The following PTPRN2 variants were observed in gnomAD, a reference collection of about 807,000 sequenced individuals.
PTPRN2 encodes the protein protein tyrosine phosphatase receptor type N2, also known as receptor-type tyrosine-protein phosphatase N2.
A neutral mutation model predicts 118.8 loss-of-function variants in PTPRN2; 74 were observed. That is an observed-to-expected ratio of 0.62 (90% CI 0.52 to 0.76). PTPRN2 has a LOEUF of 0.76. PTPRN2 is among the 30% of genes least tolerant of loss of function. PTPRN2 has a pLI of 0.00. For synonymous variants in PTPRN2, 641 were observed against 608.0 expected (o/e 1.05, Z -0.80); for missense variants, 1,481 against 1,394.4 (o/e 1.06, Z -0.99).
At chr7:158,331,685 G>T (rs1209179715) in intron 2 of PTPRN2, among the ~76,000 whole-genome samples, 76 of 126,758 alleles carry the variant, frequency 6.0e-4, no homozygotes, top group African/African-American at 2.4e-3. Flanking sequence ...ACCATAAGAG[G>T]TGACACTTGC....
chr7:158,424,521 T>C (rs1815534240), intron 2 of PTPRN2, among the ~76,000 whole-genome samples: 1 of 152,218 alleles, frequency 6.6e-6, no homozygotes, highest in African/African-American at 2.4e-5. Flanking sequence ...GATTCCTCTA[T>C]TAACCTGTCT....
intron 3 of PTPRN2, among the ~76,000 whole-genome samples, chr7:158,262,746 CAT>C (rs532194493): frequency 3.5e-4 from 53 of 150,268 alleles, no homozygotes; most frequent in African/African-American, 8.3e-4. Context: ...ACACACTGCA[CAT>C]ATACACACAC....
At chr7:158,068,396 G>A (rs1392518755) in intron 11 of PTPRN2, among the ~76,000 whole-genome samples, 3 of 152,196 alleles carry the variant, frequency 2.0e-5, no homozygotes, top group Admixed American at 2.0e-4. Flanking sequence ...CCAGTGCAGT[G>A]GCTGGACTGC....
chr7:157,691,474 A>G (rs1057291233), intron 12 of PTPRN2, among the ~76,000 whole-genome samples: 2 of 148,928 alleles, frequency 1.3e-5, no homozygotes, highest in East Asian at 4.7e-4. Context: ...ATTCAGGGCG[A>G]GTAGACGAGA....
At chr7:157,795,611 G>A (rs937728365) in intron 12 of PTPRN2, among the ~76,000 whole-genome samples, 3 of 152,242 alleles carry the variant, frequency 2.0e-5, no homozygotes, top group African/African-American at 4.8e-5. Context: ...TTGACCTCAT[G>A]TTTATTCAGG....
rs975865780 is a variant in PTPRN2, at chr7:157,596,023, C to T, written c.2419-708G>A. Among the ~76,000 whole-genome samples, 3 of 152,214 alleles carry T rather than the reference C, an allele frequency of 2.0e-5. No homozygotes were observed. Among genetic ancestry groups the T allele is most frequent in the African/African-American group, 7.2e-5 (3 of 41,450 alleles). ...ACCCCAGAGCTTCCTGGCCACGGAG[C>T]CCACCCAGGCTGCCCTGTGTTCAGG... On this transcript the variant is annotated intron_variant, in intron 16 of 22. Coordinates refer to ENST00000389418, the MANE Select transcript of PTPRN2 (RefSeq NM_002847.5). This position sits in a 1 kb window ranked among gnomAD's most constrained non-coding sequence, Gnocchi z 4.2.
Position 157,587,543 on chromosome 7 carries a change from C to A in PTPRN2, c.2496+7695G>T, listed in dbSNP as rs1215402417. 6.6e-6 allele frequency among the ~76,000 whole-genome samples: 1 copy of A among 152,154 alleles called. No individual in the cohort carries two copies. The highest frequency in any genetic ancestry group is 1.5e-5 in the Non-Finnish European group (1 of 68,022). On this transcript the variant is annotated intron_variant, in intron 17 of 22. Coordinates refer to ENST00000389418, the MANE Select transcript of PTPRN2 (RefSeq NM_002847.5). The surrounding 1 kb of genome is among the most constrained non-coding windows in gnomAD (Gnocchi z 5.3). ...TCAATTTGGAAATGAGAAAACATATCCCCCCAGCTGAGGCTTCATCACAGA... is the reference window on the plus strand; with the variant it reads ...TCAATTTGGAAATGAGAAAACATATACCCCCAGCTGAGGCTTCATCACAGA...
chr7:157,885,135 T>C (rs1796378736), intron 12 of PTPRN2, among the ~76,000 whole-genome samples: 2 of 152,116 alleles, frequency 1.3e-5, no homozygotes. Context: ...GGCCACTGGC[T>C]CAAGCAAAAG....
At chr7:158,149,054 A>T (rs1341040214) in intron 6 of PTPRN2, among the ~76,000 whole-genome samples, 2 of 119,776 alleles carry the variant, frequency 1.7e-5, no homozygotes, top group South Asian at 2.6e-4. Context: ...CTGACACCCC[A>T]TCTCATGCCA....
chr7:157,946,376 T>C (rs1207128174), intron 11 of PTPRN2, among the ~76,000 whole-genome samples: 4 of 152,262 alleles, frequency 2.6e-5, no homozygotes, highest in Admixed American at 2.0e-4. Context: ...GTTTATGCAC[T>C]GAATGAAATC....
chr7:158,036,537 AT>A (rs1268747269), intron 11 of PTPRN2, among the ~76,000 whole-genome samples: 1 of 152,236 alleles, frequency 6.6e-6, no homozygotes, highest in African/African-American at 2.4e-5. Flanking sequence ...TTCTCAAAAA[AT>A]AATAGCAACC....
intron 2 of PTPRN2, among the ~76,000 whole-genome samples, chr7:158,353,964 C>T (rs1808196034): frequency 6.6e-6 from 1 of 152,230 alleles, no homozygotes; most frequent in African/African-American, 2.4e-5. Flanking sequence ...GGAAACTCTG[C>T]TCTGCAACTC....
chr7:157,549,745 C>T (rs964123521), intron 21 of PTPRN2, among the ~76,000 whole-genome samples: 6 of 152,194 alleles, frequency 3.9e-5, no homozygotes, highest in Non-Finnish European at 7.3e-5. Flanking sequence ...GACAGGGTCC[C>T]GACCTCTCCA....
chr7:157,987,902 G>A lies in PTPRN2; in HGVS notation c.1724-89165C>T, dbSNP rs751910287. Among the ~76,000 whole-genome samples, 1 of 151,250 alleles carries A rather than the reference G, an allele frequency of 6.6e-6. No individual in the cohort carries two copies. The highest frequency in any genetic ancestry group is 1.5e-5 in the Non-Finnish European group (1 of 67,778). ...TCTCCCCACACCTGCCATTCCCCACGTTAATGCAGCAGGGATCCAGAGAAG... is the reference window on the plus strand; with the variant it reads ...TCTCCCCACACCTGCCATTCCCCACATTAATGCAGCAGGGATCCAGAGAAG... On this transcript the variant is annotated intron_variant, in intron 11 of 22. Transcript: ENST00000389418. The surrounding 1 kb of genome is among the most constrained non-coding windows in gnomAD (Gnocchi z 4.3).
intron 5 of PTPRN2, among the ~76,000 whole-genome samples, chr7:158,186,205 A>G (rs144329572): frequency 2.6e-3 from 403 of 152,200 alleles, no homozygotes; most frequent in African/African-American, 8.3e-3. Context: ...TTCCATTCCA[A>G]TGCGCATGAA....
intron 1 of PTPRN2, among the ~76,000 whole-genome samples, chr7:158,557,137 C>G (rs1341070609): frequency 1.5e-5 from 2 of 134,328 alleles, no homozygotes; most frequent in African/African-American, 5.8e-5. Context: ...GGGCAGGCGG[C>G]TCCCGGGCAG....
intron 5 of PTPRN2, among the ~76,000 whole-genome samples, chr7:158,180,313 T>C (rs1375136491): frequency 6.6e-6 from 1 of 152,266 alleles, no homozygotes; most frequent in African/African-American, 2.4e-5. Context: ...CTGGGTTCTT[T>C]ATTCTGTTCC....
At chr7:157,917,241 A>G (rs1346779093) in intron 11 of PTPRN2, among the ~76,000 whole-genome samples, 2 of 152,362 alleles carry the variant, frequency 1.3e-5, no homozygotes, top group African/African-American at 2.4e-5. Context: ...GCTCTCTCTC[A>G]TTTTAAAATG....
chr7:158,334,052 G>C lies in PTPRN2; in HGVS notation c.164-17120C>G, dbSNP rs375827191. On this transcript the variant is annotated intron_variant, in intron 2 of 22. Transcript: ENST00000389418. ...CACTCACACTCTAGCCATAAGAGCTGACGCCCGCAGACGTCACTCACACCC... is the reference window on the plus strand; with the variant it reads ...CACTCACACTCTAGCCATAAGAGCTCACGCCCGCAGACGTCACTCACACCC... 5.3e-3 allele frequency among the ~76,000 whole-genome samples: 145 copies of C among 27,196 alleles called. 10 individuals carry two copies. The highest frequency in any genetic ancestry group is 0.014 in the East Asian group (13 of 948). 17.8% of individuals were successfully genotyped at this position (27,196 alleles called of 152,430 possible).
Sources: allele counts gnomAD v4.1 joint callset (sites outside exome capture counted in the v4.1 genomes callset), GRCh38; gene constraint gnomAD v4.1.1; non-coding constraint Gnocchi (gnomAD v3.1); transcripts MANE v1.5; gene names NCBI Gene and HGNC (gene_info 2026-07-23, HGNC 2026-07-21).